The following ANK2 variants were observed in gnomAD, a reference collection of about 807,000 sequenced individuals.
ANK2 encodes the protein ankyrin 2.
In ANK2, 83 loss-of-function variants were observed where a neutral mutation model predicts 360.5. That is an observed-to-expected ratio of 0.23 (90% CI 0.19 to 0.28). The LOEUF is 0.28. ANK2 is among the 10% of genes least tolerant of loss of function. ANK2 has a pLI of 1.00. For missense variants in ANK2, 4,201 were observed against 4,795.7 expected, an observed-to-expected ratio of 0.88 and a Z score of 3.66; for synonymous variants, 1,740 against 1,759.5, an observed-to-expected ratio of 0.99 and a Z score of 0.28.
intron 1 of ANK2, among the ~76,000 whole-genome samples, chr4:112,883,470 A>C (rs1195190956): frequency 6.6e-6 from 1 of 152,180 alleles, no homozygotes; most frequent in African/African-American, 2.4e-5. Flanking sequence ...CAGATGAAAC[A>C]TATTTGAAAA....
chr4:113,306,227 G>C (rs1453229332), intron 23 of ANK2, among the ~76,000 whole-genome samples: 6 of 152,168 alleles, frequency 3.9e-5, no homozygotes, highest in African/African-American at 1.4e-4. Context: ...TCCACTTGGG[G>C]AGATCAGGAG....
intron 1 of ANK2, among the ~76,000 whole-genome samples, chr4:113,172,395 C>T (rs1378969616): frequency 2.0e-5 from 3 of 152,176 alleles, no homozygotes; most frequent in African/African-American, 7.2e-5. Flanking sequence ...AAACTTACAG[C>T]TCTGAACTGA....
intron 2 of ANK2, among the ~76,000 whole-genome samples, chr4:112,912,056 A>T (rs866104599): frequency 4.7e-4 from 72 of 152,094 alleles, no homozygotes; most frequent in African/African-American, 1.7e-3. Context: ...GGGCGCCTGT[A>T]GTCCCAGCTA....
chr4:112,757,728 C>G, the ANK2 span, among the ~76,000 whole-genome samples: 1 of 152,112 alleles, frequency 6.6e-6, no homozygotes, highest in Non-Finnish European at 1.5e-5. Flanking sequence ...TTATACTTCT[C>G]TTCACTTTGC....
intron 4 of ANK2, among the ~76,000 whole-genome samples, chr4:113,228,146 A>G (rs1285927390): frequency 6.6e-6 from 1 of 152,080 alleles, no homozygotes; most frequent in Non-Finnish European, 1.5e-5. Context: ...TCTTCTCCCC[A>G]TATTCTTGAT....
chr4:112,996,649 A>G (rs2048627091), intron 2 of ANK2, among the ~76,000 whole-genome samples: 1 of 151,990 alleles, frequency 6.6e-6, no homozygotes, highest in African/African-American at 2.4e-5. Flanking sequence ...GGTACATGTG[A>G]TGTTTTGATA....
intron 2 of ANK2, among the ~76,000 whole-genome samples, chr4:112,909,403 T>G (rs997779258): frequency 2.0e-5 from 3 of 152,224 alleles, no homozygotes; most frequent in Non-Finnish European, 4.4e-5. Context: ...CATTTATTGT[T>G]TCTAACCATC....
chr4:113,094,986 G>A (rs1358588266), intron 1 of ANK2, among the ~76,000 whole-genome samples: 1 of 152,202 alleles, frequency 6.6e-6, no homozygotes, highest in African/African-American at 2.4e-5. Context: ...GCATCACTGG[G>A]AAAGTCAAAG....
the ANK2 span, among the ~76,000 whole-genome samples, chr4:112,799,128 A>G: frequency 6.6e-6 from 1 of 152,164 alleles, no homozygotes; most frequent in Non-Finnish European, 1.5e-5. Flanking sequence ...TTCATCCACA[A>G]TGTAGCAGGT....
At chr4:112,999,827 A>T (rs1264218257) in intron 2 of ANK2, among the ~76,000 whole-genome samples, 1 of 152,178 alleles carries the variant, frequency 6.6e-6, no homozygotes, top group African/African-American at 2.4e-5. Flanking sequence ...TGAGGAGGTG[A>T]TATATAGAAT....
chr4:112,749,572 T>C, the ANK2 span, among the ~76,000 whole-genome samples: 2 of 152,174 alleles, frequency 1.3e-5, no homozygotes, highest in East Asian at 3.8e-4. Flanking sequence ...ATGAGAGAGA[T>C]GGTCTCCTAC....
chr4:112,854,815 GGGAATGGGAGAAACA>G (rs2065937336), intron 1 of ANK2, among the ~76,000 whole-genome samples: 1 of 152,134 alleles, frequency 6.6e-6, no homozygotes, highest in African/African-American at 2.4e-5. Flanking sequence ...GGTGAAGAAA[GGGAATGGGAGAAACA>G]CTGTTCCAGA....
chr4:112,922,963 TA>T (rs1561113543), intron 2 of ANK2, among the ~76,000 whole-genome samples: 1 of 152,202 alleles, frequency 6.6e-6, no homozygotes, highest in African/African-American at 2.4e-5. Flanking sequence ...GATAATATCT[TA>T]CATAATGCTA....
chr4:112,750,174 G>A, the ANK2 span, among the ~76,000 whole-genome samples: 2 of 151,982 alleles, frequency 1.3e-5, no homozygotes, highest in East Asian at 1.9e-4. Context: ...GCTCACAACC[G>A]TAATCCCAGC....
At position 113,140,194 on chromosome 4, in the gene ANK2, G is replaced by T. The variant is rs10014858; in HGVS notation, c.85-34222G>T. ...GAATGTTCCAATTTTCTTTCCACAG[G>T]TCAGTAATTCCCAAAGACAGGAGAA... On this transcript the variant is annotated intron_variant, in intron 1 of 45. Coordinates refer to ENST00000357077, the MANE Select transcript of ANK2 (RefSeq NM_001148.6). 4.9e-4 allele frequency among the ~76,000 whole-genome samples: 74 copies of T among 152,248 alleles called. 1 individual carries two copies. Among genetic ancestry groups the T allele is most frequent in the African/African-American group, 1.6e-3 (66 of 41,550 alleles).
intron 2 of ANK2, 146 bp from the exon 3 acceptor site, chr4:113,196,222 T>C (rs933873822): frequency 6.1e-6 from 4 of 652,022 alleles, no homozygotes; most frequent in African/African-American, 5.5e-5. Context: ...TCTCTTAAAT[T>C]AATAGATTCA....
chr4:113,081,790 A>G (rs2082487697), intron 1 of ANK2, among the ~76,000 whole-genome samples: 2 of 152,156 alleles, frequency 1.3e-5, no homozygotes, highest in African/African-American at 4.8e-5. Context: ...TTTGCTGGAT[A>G]AATAATACAT....
intron 21 of ANK2, chr4:113,293,154 T>C (rs762830221): frequency 9.4e-6 from 5 of 530,188 alleles, no homozygotes; most frequent in Non-Finnish European, 1.1e-5. Flanking sequence ...TGCAATACAG[T>C]ATTTGTAGAA....
intron 1 of ANK2, among the ~76,000 whole-genome samples, chr4:112,898,003 G>A (rs1490598156): frequency 6.6e-6 from 1 of 152,066 alleles, no homozygotes; most frequent in Non-Finnish European, 1.5e-5. Flanking sequence ...GATCAAACAG[G>A]TGAGAAAATA....
Sources: allele counts gnomAD v4.1 joint callset (sites outside exome capture counted in the v4.1 genomes callset), GRCh38; gene constraint gnomAD v4.1.1; transcripts MANE v1.5; gene names NCBI Gene and HGNC (gene_info 2026-07-23, HGNC 2026-07-21).